The following MAPKAPK3 variants were observed in gnomAD, a reference collection of about 807,000 sequenced individuals.
MAPKAPK3 encodes the protein MAP kinase-activated protein kinase 3.
MAPKAPK3 carries 35 observed loss-of-function variants against 49.2 expected under a neutral mutation model. The observed-to-expected ratio is 0.71, with a 90% CI of 0.54 to 0.94. The LOEUF (loss-of-function observed/expected upper bound fraction) is 0.94, where lower values mean the gene tolerates loss of function less well. Among genes scored for constraint, MAPKAPK3 ranks in the 40% least tolerant of loss-of-function variants. MAPKAPK3 has a pLI of 0.00. For missense variants in MAPKAPK3, 398 were observed against 493.1 expected, an observed-to-expected ratio of 0.81 and a Z score of 1.83; for synonymous variants, 178 against 188.7, an observed-to-expected ratio of 0.94 and a Z score of 0.46.
chr3:50,612,071 G>A (rs901696207), exon 1 of MAPKAPK3: 31 of 190,478 alleles, frequency 1.6e-4, no homozygotes, highest in Non-Finnish European at 2.4e-4. Context: ...GGAGCCGAGC[G>A]GTCGGGGAGG....
At chr3:50,645,121 A>T (rs2033257600) in intron 6 of MAPKAPK3, among the ~76,000 whole-genome samples, 1 of 152,132 alleles carries the variant, frequency 6.6e-6, no homozygotes, top group South Asian at 2.1e-4. Context: ...CCCTCAGAAG[A>T]GGTCTTCCTG....
At chr3:50,613,512 C>G (rs2032390991), upstream of MAPKAPK3, among the ~76,000 whole-genome samples, 1 of 152,182 alleles carries the variant, frequency 6.6e-6, no homozygotes, top group South Asian at 2.1e-4. Flanking sequence ...CCTGGATAGC[C>G]TGATATGCGG....
At chr3:50,645,649 C>T (rs950060679) in intron 6 of MAPKAPK3, 61 bp from the exon 7 acceptor site, 1 of 1,424,966 alleles carries the variant, frequency 7.0e-7, no homozygotes, top group African/African-American at 1.4e-5. Flanking sequence ...AGGCTTTAGG[C>T]TCCTGCCTGG....
intron 2 of MAPKAPK3, among the ~76,000 whole-genome samples, chr3:50,619,896 C>T (rs1396265753): frequency 6.6e-6 from 1 of 152,168 alleles, no homozygotes; most frequent in African/African-American, 2.4e-5. Flanking sequence ...TTGGGTCAGG[C>T]CTGGAGTGGA....
At chr3:50,635,777 A>G (rs919353224) in intron 2 of MAPKAPK3, among the ~76,000 whole-genome samples, 5 of 151,766 alleles carry the variant, frequency 3.3e-5, no homozygotes, top group African/African-American at 4.8e-5. Flanking sequence ...TCCTTACTCT[A>G]TAGATTTATT....
chr3:50,617,711 T>G lies in MAPKAPK3; in HGVS notation c.146T>G (p.Val49Gly). The change falls in exon 2 of 11, where the codon GTG (valine) becomes GGG (glycine). Residue 49 changes from valine (V) to glycine (G), a missense_variant. Physicochemically the swap from Val to Gly is moderately radical, Grantham distance 109. Coordinates refer to ENST00000621469, the MANE Select transcript of MAPKAPK3 (RefSeq NM_001243925.2). ...GACGACTACCAGTTGTCCAAGCAGG[T>G]GCTGGGCCTGGGTGTGAACGGCAAA... The part of the protein sequence containing the change: ...VTDDYQLSKQ[V>G]LGLGVNGKVL... 1 of 1,613,546 alleles carries G rather than the reference T, an allele frequency of 6.2e-7. No individual in the cohort carries two copies. The highest frequency in any genetic ancestry group is 8.5e-7 in the Non-Finnish European group (1 of 1,179,992).
At chr3:50,646,700 T>TGG in intron 8 of MAPKAPK3, 40 bp from the exon 9 acceptor site, 6 of 1,573,230 alleles carry the variant, frequency 3.8e-6, no homozygotes, top group Non-Finnish European at 5.2e-6. Flanking sequence ...GGGCTGGCTC[T>TGG]GCAATCTCAT....
Position 50,648,260 on chromosome 3 carries a change from C to G in MAPKAPK3, c.*214C>G. On this transcript the variant is annotated 3_prime_UTR_variant, in exon 11 of 11. Coordinates refer to ENST00000621469, the MANE Select transcript of MAPKAPK3 (RefSeq NM_001243925.2). ...GCTCAAGCCCTAGAGATGGGCAGGG[C>G]CTAGGGGCTGGGAGCTGCCTGCTGC... 1.8e-6 allele frequency: 1 copy of G among 554,900 alleles called. No individual in the cohort carries two copies. Among genetic ancestry groups the G allele is most frequent in the African/African-American group, 1.9e-5 (1 of 52,740 alleles). The allele number at this position is 554,900 out of a possible 1,614,324, so 34.4% of individuals were successfully genotyped here.
At chr3:50,641,290 C>T (rs1454761069) in intron 3 of MAPKAPK3, among the ~76,000 whole-genome samples, 3 of 152,136 alleles carry the variant, frequency 2.0e-5, no homozygotes, top group Non-Finnish European at 2.9e-5. Context: ...CACACAACAG[C>T]GCTCATGAAA....
intron 2 of MAPKAPK3, among the ~76,000 whole-genome samples, chr3:50,632,309 A>G (rs888378037): frequency 6.6e-6 from 1 of 152,230 alleles, no homozygotes; most frequent in Non-Finnish European, 1.5e-5. Flanking sequence ...CCTTCTTTGC[A>G]AGACTTCCAG....
At chr3:50,613,800 A>G (rs1256345963), upstream of MAPKAPK3, 1 of 152,226 alleles carries the variant, frequency 6.6e-6, no homozygotes, top group Admixed American at 6.5e-5. Flanking sequence ...AGGTGAGAAA[A>G]CTGAGGCATG....
chr3:50,644,607 G>T (rs1201670832), intron 6 of MAPKAPK3, 75 bp downstream of exon 6: 2 of 1,512,022 alleles, frequency 1.3e-6, no homozygotes, highest in African/African-American at 2.7e-5. Flanking sequence ...CCAGTGGGTT[G>T]CAGAAACCAA....
chr3:50,646,742 A>G lies in MAPKAPK3; in HGVS notation c.832A>G (p.Lys278Glu), dbSNP rs2033308451. The G allele has an allele frequency of 6.2e-7, 1 of 1,613,812 alleles. No homozygotes were observed. The highest frequency in any genetic ancestry group is 1.3e-5 in the African/African-American group (1 of 74,886). Residue 278 changes from lysine to glutamate, a missense_variant and splice_region_variant, in exon 9 of 11, where the codon AAG becomes GAG. Lys to Glu is a moderately conservative substitution (Grantham distance 56). Coordinates refer to ENST00000621469, the MANE Select transcript of MAPKAPK3 (RefSeq NM_001243925.2). ...PEWSEVSEDA[K>E]QLIRLLLKTD... Reference sequence around the variant, plus strand: ...CCTCTCTTCCCTGGCCCCCCTAGCCAAGCAGCTGATCCGCCTCCTGTTGAA... The same window carrying G: ...CCTCTCTTCCCTGGCCCCCCTAGCCGAGCAGCTGATCCGCCTCCTGTTGAA...
chr3:50,623,150 A>G (rs2032650199), intron 2 of MAPKAPK3, among the ~76,000 whole-genome samples: 1 of 152,192 alleles, frequency 6.6e-6, no homozygotes, highest in Non-Finnish European at 1.5e-5. Flanking sequence ...AGAGTCAACA[A>G]ATCAGGAGGC....
At chr3:50,628,746 G>C (rs2032826701) in intron 2 of MAPKAPK3, among the ~76,000 whole-genome samples, 1 of 152,182 alleles carries the variant, frequency 6.6e-6, no homozygotes, top group Non-Finnish European at 1.5e-5. Context: ...GAACCTCTGG[G>C]GGAGGGGAGG....
upstream of MAPKAPK3, among the ~76,000 whole-genome samples, chr3:50,616,003 G>A (rs906915852): frequency 6.6e-6 from 1 of 152,220 alleles, no homozygotes; most frequent in Non-Finnish European, 1.5e-5. Flanking sequence ...GGCTGAGGGG[G>A]AGGCGCTCAC....
intron 8 of MAPKAPK3, 74 bp from the exon 9 acceptor site, chr3:50,646,666 T>C: frequency 7.5e-7 from 1 of 1,332,122 alleles, no homozygotes; most frequent in South Asian, 1.2e-5. Context: ...CAGCAGAGCT[T>C]GTGGTCTGTG....
chr3:50,634,150 G>A (rs1243294636), intron 2 of MAPKAPK3, among the ~76,000 whole-genome samples: 2 of 152,212 alleles, frequency 1.3e-5, no homozygotes, highest in Admixed American at 6.5e-5. Flanking sequence ...AGAGCCTGAG[G>A]CCTGTGGTCA....
rs557756970 is a variant in MAPKAPK3, at chr3:50,647,924, C to T, written c.1027C>T (p.Arg343Trp). 2.4e-5 allele frequency: 39 copies of T among 1,613,738 alleles called. No individual in the cohort carries two copies. In the South Asian group the frequency reaches 3.8e-4, roughly 16 times the overall value. Reference sequence around the variant, plus strand: ...GATGACCAGTGCCTTGGCCACTATGCGGGTAGACTACGACCAGGTGAAGAT... The same window carrying T: ...GATGACCAGTGCCTTGGCCACTATGTGGGTAGACTACGACCAGGTGAAGAT... Reference protein sequence around the residue: ...EEMTSALATMRVDYDQVKIKD... With the variant: ...EEMTSALATMWVDYDQVKIKD... The change falls in exon 11 of 11, where the codon CGG (arginine) becomes TGG (tryptophan). Residue 343 changes from arginine (R) to tryptophan (W), a missense_variant. This residue lies in a region of MAPKAPK3 where 152 missense variants were observed against 177.3 expected (regional missense o/e 0.86). Transcript: ENST00000621469.
Sources: gnomAD v4.1 joint callset for allele counts (sites outside exome capture counted in the v4.1 genomes callset) on GRCh38, gnomAD v4.1.1 for gene constraint, gnomAD v4.1.1 regional missense constraint, MANE v1.5 for transcripts, NCBI Gene and HGNC (gene_info 2026-07-23, HGNC 2026-07-21) for gene names.